The following IFIH1 variants were observed in gnomAD, a reference collection of about 807,000 sequenced individuals.
IFIH1 encodes the protein interferon induced with helicase C domain 1, also known as interferon-induced helicase C domain-containing protein 1.
A neutral mutation model predicts 107.4 loss-of-function variants in IFIH1; 125 were observed. The observed-to-expected ratio is 1.16, with a 90% CI of 1.01 to 1.35. The LOEUF is 1.35. Ranked by LOEUF, IFIH1 falls within the 40% of genes most tolerant of loss-of-function variation. IFIH1 has a pLI of 0.00. For synonymous variants in IFIH1, 458 were observed against 413.2 expected (o/e 1.11, Z -1.31); for missense variants, 1,333 against 1,213.7 (o/e 1.10, Z -1.46).
At chr2:162,280,690 G>C (rs1268212266) in intron 7 of IFIH1, among the ~76,000 whole-genome samples, 4 of 152,024 alleles carry the variant, frequency 2.6e-5, no homozygotes, top group Non-Finnish European at 5.9e-5. Flanking sequence ...TCTGAATGTT[G>C]TGTCTACTCT....
intron 10 of IFIH1, 45 bp from the exon 11 acceptor site, chr2:162,276,991 G>T: frequency 3.5e-6 from 5 of 1,433,394 alleles, no homozygotes; most frequent in Non-Finnish European, 4.8e-6. Context: ...GCTTGATTTA[G>T]CCACTCCACA....
At chr2:162,279,282 C>T (rs1025274789) in intron 8 of IFIH1, among the ~76,000 whole-genome samples, 1 of 151,944 alleles carries the variant, frequency 6.6e-6, no homozygotes, top group East Asian at 1.9e-4. Context: ...GGTTTAGTGC[C>T]TACTATATTT....
intron 5 of IFIH1, among the ~76,000 whole-genome samples, chr2:162,283,821 G>A (rs1291904066): frequency 6.6e-6 from 1 of 151,844 alleles, no homozygotes; most frequent in African/African-American, 2.4e-5. Context: ...GGTGTCTGGG[G>A]GGCTGGAAGA....
At position 162,281,401 on chromosome 2, in the gene IFIH1, A is replaced by AAGGGGAT. The variant is rs748061170; in HGVS notation, c.1450_1451insATCCCCT (p.Ile484AsnfsTer22). 12 of 1,612,864 alleles carry AAGGGGAT rather than the reference A, an allele frequency of 7.4e-6. No individual in the cohort carries two copies. Among genetic ancestry groups the AAGGGGAT allele is most frequent in the Admixed American group, 5.0e-5 (3 of 59,846 alleles). ...ACCAGGTGAAGCTGTTAGTCCCAGT[A>AAGGGGAT]TCTGAGGAAGGGGAATCACTGGTTT... On this transcript the variant is annotated frameshift_variant, in exon 7 of 16. Coordinates refer to ENST00000649979, the MANE Select transcript of IFIH1 (RefSeq NM_022168.4). LOFTEE classifies it high-confidence loss of function.
intron 1 of IFIH1, among the ~76,000 whole-genome samples, chr2:162,314,852 C>T (rs1683459829): frequency 2.0e-5 from 3 of 152,094 alleles, no homozygotes; most frequent in South Asian, 4.1e-4. Flanking sequence ...AAGGACAAAA[C>T]AGTCTCTGTG....
Position 162,317,900 on chromosome 2 carries a change from A to T in IFIH1, c.408T>A (p.Asp136Glu). The T allele has an allele frequency of 6.2e-7, 1 of 1,611,358 alleles. No homozygotes were observed. Among genetic ancestry groups the T allele is most frequent in the South Asian group, 1.1e-5 (1 of 90,640 alleles). ...TCAACAGTTCCTCCTCCATGCACTT[A>T]TCCAAGACGTCTCTAACTAGAAGCT... ...VDKLLVRDVLDKCMEEELLTI... is the reference protein window; with the variant it reads ...VDKLLVRDVLEKCMEEELLTI... The change falls in exon 1 of 16, where the codon GAT (aspartate) becomes GAA (glutamate). Residue 136 changes from aspartate to glutamate, a missense_variant. Physicochemically the swap from Asp to Glu is conservative, Grantham distance 45. Transcript: ENST00000649979.
chr2:162,298,219 T>G (rs1208556313), intron 3 of IFIH1, among the ~76,000 whole-genome samples: 2 of 152,216 alleles, frequency 1.3e-5, no homozygotes, highest in Admixed American at 6.5e-5. Flanking sequence ...AATTGATTCT[T>G]GCTTCTATTC....
At chr2:162,274,001 T>C in intron 11 of IFIH1, 57 bp from the exon 12 acceptor site, 1 of 1,171,710 alleles carries the variant, frequency 8.5e-7, no homozygotes, top group Non-Finnish European at 1.2e-6. Context: ...TAAAATCTTC[T>C]AATTAGAGGA....
At chr2:162,288,679 C>T (rs1327010618) in intron 4 of IFIH1, among the ~76,000 whole-genome samples, 3 of 151,654 alleles carry the variant, frequency 2.0e-5, no homozygotes, top group East Asian at 2.0e-4. Context: ...GGCTGTGGTG[C>T]GGGATTGGCA....
At chr2:162,285,739 C>T (rs1409127887) in intron 5 of IFIH1, among the ~76,000 whole-genome samples, 1 of 151,680 alleles carries the variant, frequency 6.6e-6, no homozygotes, top group Non-Finnish European at 1.5e-5. Context: ...AGATTCCTGG[C>T]TAGAATATAG....
intron 3 of IFIH1, among the ~76,000 whole-genome samples, chr2:162,299,057 A>T (rs990229944): frequency 5.2e-4 from 79 of 152,330 alleles, no homozygotes; most frequent in Middle Eastern, 3.4e-3. Flanking sequence ...TTAAATTTGA[A>T]TTGTGTGTAA....
intron 6 of IFIH1, among the ~76,000 whole-genome samples, chr2:162,281,840 T>C (rs1682816054): frequency 6.6e-6 from 1 of 152,058 alleles, no homozygotes; most frequent in Admixed American, 6.6e-5. Context: ...CCCTGGCTTA[T>C]TACAAAACAA....
Position 162,288,206 on chromosome 2 carries a change from T to G in IFIH1, c.1024A>C (p.Ile342Leu). The G allele has an allele frequency of 6.2e-7, 1 of 1,612,840 alleles. No homozygotes were observed. Residue 342 changes from isoleucine (I) to leucine (L), a missense_variant, in exon 5 of 16, where the codon ATT becomes CTT. By Grantham distance (5) the Ile-to-Leu change is conservative. Coordinates refer to ENST00000649979, the MANE Select transcript of IFIH1 (RefSeq NM_022168.4). Reference sequence around the variant, plus strand: ...TTCTTGTCTAAGTGATCCTTGGCAATGTAAACAGCCACTCTGGTTTTTCCA... The same window carrying G: ...TTCTTGTCTAAGTGATCCTTGGCAAGGTAAACAGCCACTCTGGTTTTTCCA... ...GSGKTRVAVY[I>L]AKDHLDKKKK... is the part of the protein sequence containing the mutation.
At chr2:162,298,093 T>A (rs1421623780) in intron 3 of IFIH1, among the ~76,000 whole-genome samples, 1 of 152,136 alleles carries the variant, frequency 6.6e-6, no homozygotes, top group East Asian at 1.9e-4. Context: ...GTTGAAGGCC[T>A]TTTTAGATCT....
chr2:162,317,791 G>T, intron 1 of IFIH1, 64 bp downstream of exon 1: 1 of 1,349,138 alleles, frequency 7.4e-7, no homozygotes, highest in Non-Finnish European at 1.0e-6. Context: ...AGGGGCAAAC[G>T]CACAAGGAAG....
chr2:162,292,467 G>T (rs556888493), intron 4 of IFIH1, among the ~76,000 whole-genome samples: 3 of 151,778 alleles, frequency 2.0e-5, no homozygotes, highest in Non-Finnish European at 4.4e-5. Context: ...GAGTGTCATT[G>T]TGATAAAAGG....
intron 7 of IFIH1, among the ~76,000 whole-genome samples, chr2:162,281,096 A>T (rs377662196): frequency 7.9e-5 from 12 of 152,044 alleles, no homozygotes; most frequent in African/African-American, 2.9e-4. Context: ...TCAACTTCCC[A>T]TTAATTATAT....
At chr2:162,274,955 A>G (rs1397827620) in intron 11 of IFIH1, among the ~76,000 whole-genome samples, 1 of 152,168 alleles carries the variant, frequency 6.6e-6, no homozygotes, top group Non-Finnish European at 1.5e-5. Flanking sequence ...ACCCTGTAGA[A>G]AGGCCTCTCT....
intron 1 of IFIH1, among the ~76,000 whole-genome samples, chr2:162,312,591 A>G (rs1465658515): frequency 6.6e-6 from 1 of 152,220 alleles, no homozygotes; most frequent in Non-Finnish European, 1.5e-5. Flanking sequence ...GTTAAAAATA[A>G]CTATTTGAAC....
Sources: gnomAD v4.1 joint callset for allele counts (sites outside exome capture counted in the v4.1 genomes callset) on GRCh38, gnomAD v4.1.1 for gene constraint, MANE v1.5 for transcripts, NCBI Gene and HGNC (gene_info 2026-07-23, HGNC 2026-07-21) for gene names.